The following CAPN2 variants were observed in gnomAD, a reference collection of about 807,000 sequenced individuals.
CAPN2 encodes calpain 2.
CAPN2 carries 92 observed loss-of-function variants against 102.3 expected under a neutral mutation model. The ratio of observed to expected loss-of-function variants is 0.90; its 90% CI spans 0.76 to 1.07. The LOEUF is 1.07. CAPN2 is among the 50% of genes least tolerant of loss of function. CAPN2 has a pLI of 0.00. For missense variants in CAPN2, 800 were observed against 909.4 expected, an observed-to-expected ratio of 0.88 and a Z score of 1.55; for synonymous variants, 340 against 355.4, an observed-to-expected ratio of 0.96 and a Z score of 0.49.
chr1:223,727,694 G>T lies in CAPN2; in HGVS notation c.307+9863G>T, dbSNP rs1467549403. Among the ~76,000 whole-genome samples the T allele has an allele frequency of 2.0e-5, 3 of 152,200 alleles. No individual in the cohort carries two copies. Among genetic ancestry groups the T allele is most frequent in the Non-Finnish European group, 4.4e-5 (3 of 68,042 alleles). The stretch of plus-strand genomic sequence containing the variant: ...CCGCAAGTATGAGTAAATACTGTAG[G>T]AAAGGAGAAAACATTGCATGTACGG... On this transcript the variant is annotated intron_variant, in intron 2 of 20. Coordinates refer to ENST00000295006, the MANE Select transcript of CAPN2 (RefSeq NM_001748.5). The surrounding 1 kb of genome is among the most constrained non-coding windows in gnomAD (Gnocchi z 4.1).
chr1:223,746,807 C>G (rs375225804), intron 4 of CAPN2, among the ~76,000 whole-genome samples, 190 bp from the exon 5 acceptor site: 94 of 152,176 alleles, frequency 6.2e-4, no homozygotes, highest in African/African-American at 2.2e-3. Context: ...CACAAAATAC[C>G]AGGGAAATGG....
At chr1:223,718,622 T>C (rs545707224) in intron 2 of CAPN2, among the ~76,000 whole-genome samples, 13 of 152,238 alleles carry the variant, frequency 8.5e-5, no homozygotes, top group Non-Finnish European at 1.8e-4. Context: ...CTATAATTAC[T>C]AGAGCAGATT....
intron 2 of CAPN2, among the ~76,000 whole-genome samples, chr1:223,719,501 T>G (rs975802525): frequency 6.6e-6 from 1 of 152,112 alleles, no homozygotes; most frequent in Non-Finnish European, 1.5e-5. Flanking sequence ...ATGGCACCAC[T>G]GCACTTCAGC....
At chr1:223,711,585 G>A (rs1185420304), upstream of CAPN2, among the ~76,000 whole-genome samples, 1 of 151,924 alleles carries the variant, frequency 6.6e-6, no homozygotes, top group Non-Finnish European at 1.5e-5. Flanking sequence ...ATTTGGGAGG[G>A]TTGTTGTTTT....
chr1:223,762,176 C>T lies in CAPN2; in HGVS notation c.1567-10C>T. On this transcript the variant is annotated splice_polypyrimidine_tract_variant and intron_variant, in intron 13 of 20. Transcript: ENST00000295006. ...CTGATGCATTCTCATGTCTCTGCCTCACCTTCCAGTTCGACATCAGCGAGG... is the reference window on the plus strand; with the variant it reads ...CTGATGCATTCTCATGTCTCTGCCTTACCTTCCAGTTCGACATCAGCGAGG... 1 of 1,613,040 alleles carries T rather than the reference C, an allele frequency of 6.2e-7. No individual in the cohort carries two copies. Among genetic ancestry groups the T allele is most frequent in the East Asian group, 2.2e-5 (1 of 44,866 alleles).
At chr1:223,737,165 G>A (rs1049772661) in intron 2 of CAPN2, among the ~76,000 whole-genome samples, 3 of 152,216 alleles carry the variant, frequency 2.0e-5, no homozygotes, top group African/African-American at 2.4e-5. Flanking sequence ...CATAAGGCTC[G>A]TGGGGCACCC....
At chr1:223,720,443 G>C (rs1445418620) in intron 2 of CAPN2, among the ~76,000 whole-genome samples, 1 of 149,874 alleles carries the variant, frequency 6.7e-6, no homozygotes, top group Non-Finnish European at 1.5e-5. Flanking sequence ...AGCCTTCTGA[G>C]TACCTGGGAC....
chr1:223,712,371 G>T (rs1190689586), upstream of CAPN2: 1 of 881,394 alleles, frequency 1.1e-6, no homozygotes, highest in African/African-American at 1.8e-5. Flanking sequence ...GGAGCTGTCC[G>T]CAGATGGCAG....
chr1:223,765,953 C>G (rs887635224), intron 15 of CAPN2, among the ~76,000 whole-genome samples: 3 of 152,178 alleles, frequency 2.0e-5, no homozygotes, highest in African/African-American at 4.8e-5. Context: ...GGACACAGTC[C>G]ATAAATGTCT....
At chr1:223,724,342 C>G (rs930670290) in intron 2 of CAPN2, among the ~76,000 whole-genome samples, 10 of 152,174 alleles carry the variant, frequency 6.6e-5, no homozygotes, top group Admixed American at 3.9e-4. Context: ...TGATTGAGCC[C>G]CAGGAGGAGG....
intron 2 of CAPN2, among the ~76,000 whole-genome samples, chr1:223,742,518 A>ATAT (rs1353185585): frequency 8.7e-5 from 10 of 114,422 alleles, no homozygotes; most frequent in Middle Eastern, 4.9e-3. Flanking sequence ...ATATATATAT[A>ATAT]TTTTTTTTTT....
chr1:223,735,052 T>C (rs548551998), intron 2 of CAPN2, among the ~76,000 whole-genome samples: 1 of 151,144 alleles, frequency 6.6e-6, no homozygotes, highest in Non-Finnish European at 1.5e-5. Flanking sequence ...ACATTTGGGG[T>C]TCCAGGTCTC....
chr1:223,720,888 AATTT>A (rs1660033134), intron 2 of CAPN2, among the ~76,000 whole-genome samples: 1 of 152,000 alleles, frequency 6.6e-6, no homozygotes, highest in African/African-American at 2.4e-5. Flanking sequence ...TGCTCCCTCC[AATTT>A]GCCATAGTGC....
At chr1:223,769,676 C>T (rs1397709844) in intron 16 of CAPN2, among the ~76,000 whole-genome samples, 165 bp from the exon 17 acceptor site, 1 of 152,098 alleles carries the variant, frequency 6.6e-6, no homozygotes, top group African/African-American at 2.4e-5. Context: ...TCCTCCAATC[C>T]TTTAAATGGA....
At chr1:223,747,233 C>T in intron 5 of CAPN2, 68 bp downstream of exon 5, 1 of 1,456,986 alleles carries the variant, frequency 6.9e-7, no homozygotes, top group Non-Finnish European at 9.3e-7. Context: ...CCCACAGTGC[C>T]CAAGGGAACC....
intron 2 of CAPN2, among the ~76,000 whole-genome samples, chr1:223,723,512 C>T (rs1230092164): frequency 6.6e-6 from 1 of 152,124 alleles, no homozygotes; most frequent in African/African-American, 2.4e-5. Context: ...GTCCATGGGC[C>T]ATCATGTCCC....
chr1:223,773,626 G>A (rs530724953), intron 20 of CAPN2, among the ~76,000 whole-genome samples: 20 of 151,972 alleles, frequency 1.3e-4, no homozygotes, highest in Non-Finnish European at 2.6e-4. Context: ...CCCGGGAGGC[G>A]GAGGTTGCGG....
At position 223,759,802 on chromosome 1, in the gene CAPN2, C is replaced by T. The variant is rs908932674; in HGVS notation, c.1529+321C>T. Among the ~76,000 whole-genome samples the T allele has an allele frequency of 6.6e-6, 1 of 152,182 alleles. No homozygotes were observed. Among genetic ancestry groups the T allele is most frequent in the Non-Finnish European group, 1.5e-5 (1 of 68,036 alleles). ...TAATGTTAAACTACGAATCCAGTCT[C>T]GTCATTTGAAGAAAGCTGAGCAGTG... is the stretch of plus-strand genomic sequence containing the variant. On this transcript the variant is annotated intron_variant, in intron 12 of 20. Transcript: ENST00000295006. The surrounding 1 kb of genome is among the most constrained non-coding windows in gnomAD (Gnocchi z 4.6).
intron 11 of CAPN2, chr1:223,758,586 G>T (rs555363724): frequency 6.5e-6 from 1 of 152,916 alleles, no homozygotes; most frequent in South Asian, 2.1e-4. Flanking sequence ...ACTGTGGAAA[G>T]ACTGGGCATC....
Sources: gnomAD v4.1 joint callset for allele counts (sites outside exome capture counted in the v4.1 genomes callset) on GRCh38, gnomAD v4.1.1 for gene constraint, Gnocchi (gnomAD v3.1) non-coding constraint, MANE v1.5 for transcripts, NCBI Gene and HGNC (gene_info 2026-07-23, HGNC 2026-07-21) for gene names.